RSRC2: variants seen among roughly 807,000 people sequenced by gnomAD.
RSRC2 encodes arginine/serine-rich coiled-coil protein 2.
Under a neutral mutation model 61.3 loss-of-function variants are expected in RSRC2, and 5 were observed. That is an observed-to-expected ratio of 0.08 (90% confidence interval 0.04 to 0.17). The LOEUF (loss-of-function observed/expected upper bound fraction) is 0.17. RSRC2 is among the 10% of genes least tolerant of loss of function. RSRC2 has a pLI of 1.00. For synonymous variants in RSRC2, 202 were observed against 166.5 expected (o/e 1.21, Z -1.64); for missense variants, 381 against 518.8 (o/e 0.73, Z 2.58).
intron 3 of RSRC2, 112 bp downstream of exon 3, chr12:122,521,273 T>C (rs961150909): frequency 1.7e-5 from 12 of 727,170 alleles, no homozygotes; most frequent in South Asian, 1.0e-4. Context: ...ATAAACCTTT[T>C]AAATTTCAAG....
In RSRC2 at chr12:122,505,472, C is replaced by T. The variant is rs900292884; in HGVS notation, c.*55G>A. 34 of 1,517,432 alleles carry T rather than the reference C, an allele frequency of 2.2e-5. No homozygotes were observed. The highest frequency in any genetic ancestry group is 1.8e-4 in the African/African-American group (13 of 72,588). 94.0% of individuals were successfully genotyped at this position (1,517,432 alleles called of 1,614,324 possible). A position where few individuals can be genotyped will look rare whatever the true frequency, so the allele number is the denominator to read the frequency against. ...GTGCTAGCTGTTTGGTGAACAAGGACGTGACATCAGAACAAGAAGTCTATA... is the reference window on the plus strand; with the variant it reads ...GTGCTAGCTGTTTGGTGAACAAGGATGTGACATCAGAACAAGAAGTCTATA... On this transcript the variant is annotated 3_prime_UTR_variant, in exon 10 of 10. Coordinates refer to ENST00000331738, the MANE Select transcript of RSRC2 (RefSeq NM_023012.6).
At chr12:122,519,890 G>A (rs1176362740) in intron 3 of RSRC2, 3 of 152,658 alleles carry the variant, frequency 2.0e-5, no homozygotes, top group Non-Finnish European at 2.9e-5. Flanking sequence ...AGGAAGATCT[G>A]TCAAATTCAT....
At chr12:122,518,238 T>A (rs1959079085) in intron 4 of RSRC2, among the ~76,000 whole-genome samples, 1 of 152,078 alleles carries the variant, frequency 6.6e-6, no homozygotes, top group South Asian at 2.1e-4. Flanking sequence ...GACAAGAGGC[T>A]GCAGTGTGCT....
chr12:122,520,712 T>C (rs1021994858), intron 3 of RSRC2: 8 of 494,422 alleles, frequency 1.6e-5, no homozygotes, highest in African/African-American at 1.4e-4. Flanking sequence ...TGCCCACTCT[T>C]GTTTTAGGAG....
chr12:122,520,991 GA>G, intron 3 of RSRC2: 1 of 215,172 alleles, frequency 4.6e-6, no homozygotes, highest in Non-Finnish European at 9.5e-6. Flanking sequence ...CGTTCATAAG[GA>G]AAAAGCAGCG....
At chr12:122,516,236 A>C (rs1958911941) in intron 5 of RSRC2, among the ~76,000 whole-genome samples, 1 of 152,190 alleles carries the variant, frequency 6.6e-6, no homozygotes, top group African/African-American at 2.4e-5. Context: ...AAAAGTCAGT[A>C]TACTACTGTC....
chr12:122,514,697 C>A (rs1958778703), intron 6 of RSRC2: 7 of 1,144,686 alleles, frequency 6.1e-6, no homozygotes, highest in African/African-American at 1.6e-5. Flanking sequence ...ATAATATTGA[C>A]AAAATTTTAC....
At position 122,517,874 on chromosome 12, in the gene RSRC2, T is replaced by TA. The variant is rs559390614; in HGVS notation, c.399-445dup. Among the ~76,000 whole-genome samples the TA allele has an allele frequency of 1.8e-3, 271 of 152,166 alleles. 5 individuals carry two copies. Among genetic ancestry groups the TA allele is most frequent in the Admixed American group, 2.6e-3 (40 of 15,264 alleles). On this transcript the variant is annotated intron_variant, in intron 4 of 9. Coordinates refer to ENST00000331738, the MANE Select transcript of RSRC2 (RefSeq NM_023012.6). Reference sequence around the variant, plus strand: ...AATCTTTTTATCTATACTCCAACATTAAAAAAAATCTAGATTGCAGTTTAG... The same window carrying TA: ...AATCTTTTTATCTATACTCCAACATTAAAAAAAAATCTAGATTGCAGTTTAG...
intron 5 of RSRC2, 64 bp downstream of exon 5, chr12:122,517,163 T>A: frequency 1.2e-6 from 2 of 1,605,352 alleles, no homozygotes; most frequent in East Asian, 4.5e-5. Flanking sequence ...ACTCTCTTAC[T>A]GAGGAAGATA....
At chr12:122,518,219 G>A (rs568553643) in intron 4 of RSRC2, among the ~76,000 whole-genome samples, 1 of 152,092 alleles carries the variant, frequency 6.6e-6, no homozygotes, top group Admixed American at 6.5e-5. Context: ...GATCACTTGA[G>A]CCCTGGAGGA....
chr12:122,516,531 T>A (rs904587749), intron 5 of RSRC2, among the ~76,000 whole-genome samples: 2 of 152,224 alleles, frequency 1.3e-5, no homozygotes, highest in South Asian at 2.1e-4. Context: ...TTCTTAAACG[T>A]CTTTAAGCAC....
At chr12:122,514,670 T>C (rs1408700356) in intron 6 of RSRC2, 11 of 1,141,500 alleles carry the variant, frequency 9.6e-6, no homozygotes, top group Non-Finnish European at 1.1e-5. Flanking sequence ...TATCTGTTAA[T>C]TGCCATCTTC....
intron 1 of RSRC2, among the ~76,000 whole-genome samples, chr12:122,524,536 C>T (rs931259741): frequency 1.3e-5 from 2 of 152,202 alleles, no homozygotes; most frequent in African/African-American, 4.8e-5. Flanking sequence ...CTAACTTTAA[C>T]TTCATGCTTA....
intron 3 of RSRC2, chr12:122,521,035 G>C (rs1565904542): frequency 4.0e-6 from 1 of 246,986 alleles, no homozygotes; most frequent in Non-Finnish European, 7.9e-6. Context: ...ATGTAAAGAT[G>C]ATTGCTGTTT....
intron 1 of RSRC2, chr12:122,523,360 A>G (rs1367480586): frequency 6.6e-6 from 1 of 152,176 alleles, no homozygotes; most frequent in Non-Finnish European, 1.5e-5. Context: ...TACTAAAAAC[A>G]CAAAAATTAG....
At chr12:122,514,785 A>G in intron 6 of RSRC2, 1 of 1,006,160 alleles carries the variant, frequency 9.9e-7, no homozygotes, top group African/African-American at 1.7e-5. Flanking sequence ...TGAGAAAATA[A>G]TAGTTCTTGA....
chr12:122,511,069 G>C, intron 7 of RSRC2, 40 bp downstream of exon 7: 1 of 1,448,454 alleles, frequency 6.9e-7, no homozygotes, highest in Non-Finnish European at 9.5e-7. Flanking sequence ...GCTTGAAAGA[G>C]CTCAAATCGA....
Position 122,508,386 on chromosome 12 carries a change from T to C in RSRC2, c.867A>G (p.Val289=), listed in dbSNP as rs1227144531. The C allele has an allele frequency of 6.2e-7, 1 of 1,614,222 alleles. No homozygotes were observed. Residue 289 remains valine (V), a synonymous_variant, in exon 8 of 10, where the codon GTA becomes GTG. Coordinates refer to ENST00000331738, the MANE Select transcript of RSRC2 (RefSeq NM_023012.6). ...VAALLASGTQ[V]TPQIAMAAQM... is the part of the protein sequence containing the mutation. Reference sequence around the variant, plus strand: ...GAGCTGCCATGGCTATCTGAGGTGTTACTTGTGTTCCTGATGCCAACAGGG... The same window carrying C: ...GAGCTGCCATGGCTATCTGAGGTGTCACTTGTGTTCCTGATGCCAACAGGG...
At position 122,526,907 on chromosome 12, in the gene RSRC2, A is replaced by G; in HGVS notation, c.-54T>C. ...GCCTCCACTTGTCGCTTTCAACAGT[A>G]CCGGCCGCTCCGAAGCTTCGCCTCA... is the stretch of plus-strand genomic sequence containing the variant. On this transcript the variant is annotated 5_prime_UTR_variant, in exon 1 of 10. Transcript: ENST00000331738. 6.2e-7 allele frequency: 1 copy of G among 1,609,974 alleles called. No homozygotes were observed. Among genetic ancestry groups the G allele is most frequent in the Non-Finnish European group, 8.5e-7 (1 of 1,176,332 alleles).
Sources: allele counts gnomAD v4.1 joint callset (sites outside exome capture counted in the v4.1 genomes callset), GRCh38; gene constraint gnomAD v4.1.1; transcripts MANE v1.5; gene names NCBI Gene and HGNC (gene_info 2026-07-23, HGNC 2026-07-21).